The following FRAS1 variants were observed in gnomAD, a reference collection of about 807,000 sequenced individuals.
FRAS1 encodes Fraser extracellular matrix complex subunit 1, also known as extracellular matrix organizing protein FRAS1.
A neutral mutation model predicts 435.2 loss-of-function variants in FRAS1; 290 were observed. The ratio of observed to expected loss-of-function variants is 0.67; its 90% confidence interval spans 0.61 to 0.73. The LOEUF is 0.73. Ranked by LOEUF, FRAS1 falls within the 30% of genes least tolerant of loss-of-function variation. The pLI is 0.00. For synonymous variants in FRAS1, 1,800 were observed against 1,851.0 expected (o/e 0.97, Z 0.71); for missense variants, 4,860 against 5,001.5 (o/e 0.97, Z 0.85).
intron 32 of FRAS1, 34 bp from the exon 33 acceptor site, chr4:78,418,915 C>A: frequency 7.7e-7 from 1 of 1,297,606 alleles, no homozygotes; most frequent in Non-Finnish European, 1.1e-6. Context: ...TTTTTCATAC[C>A]ATGTGTTCCT....
rs1560596181 is a variant in FRAS1 at position 78,237,599 on chromosome 4, T to C, written c.198T>C (p.Pro66=). Residue 66 remains proline (P), a synonymous_variant, in exon 3 of 74, where the codon CCT becomes CCC. Coordinates refer to ENST00000512123, the MANE Select transcript of FRAS1 (RefSeq NM_025074.7). ...GCAAACCTGCTGTTTGCAGAAACCC[T>C]CAATGTGCCTTTGAGAAGGTACGGT... ...VICKPAVCRN[P]QCAFEKGEVL... The C allele has an allele frequency of 1.9e-6, 3 of 1,605,624 alleles. No homozygotes were observed. The highest frequency in any genetic ancestry group is 1.7e-6 in the Non-Finnish European group (2 of 1,173,748).
intron 2 of FRAS1, among the ~76,000 whole-genome samples, chr4:78,197,955 A>T (rs569159635): frequency 1.4e-5 from 2 of 147,022 alleles, no homozygotes; most frequent in East Asian, 2.0e-4. Flanking sequence ...AAAAAAAAAG[A>T]GTGGACTGAA....
chr4:78,478,590 G>A (rs911723033), intron 55 of FRAS1, among the ~76,000 whole-genome samples: 4 of 152,116 alleles, frequency 2.6e-5, no homozygotes, highest in Non-Finnish European at 5.9e-5. Context: ...TGATAAAAGG[G>A]CAATTCTTGA....
At position 78,438,958 on chromosome 4, in the gene FRAS1, C is replaced by A. The variant is rs997104105; in HGVS notation, c.5423C>A (p.Ser1808Tyr). The A allele has an allele frequency of 6.2e-7, 1 of 1,612,996 alleles. No homozygotes were observed. The highest frequency in any genetic ancestry group is 1.3e-5 in the African/African-American group (1 of 75,016). The change falls in exon 40 of 74, where the codon TCT (serine) becomes TAT (tyrosine). Residue 1808 changes from serine (S) to tyrosine (Y), a missense_variant. Coordinates refer to ENST00000512123, the MANE Select transcript of FRAS1 (RefSeq NM_025074.7). ...CTGGTTACTGATAGCTTCTATTTCT[C>A]TGTCTCTGACATGGACCACAACCAT... ...GHLVTDSFYF[S>Y]VSDMDHNHLD... is the part of the protein sequence containing the mutation.
At chr4:78,451,040 C>T (rs1010888925) in intron 45 of FRAS1, among the ~76,000 whole-genome samples, 2 of 148,534 alleles carry the variant, frequency 1.3e-5, no homozygotes, top group African/African-American at 2.6e-5. Context: ...GCTGAATTCT[C>T]ATTGGAACTG....
chr4:78,148,049 A>G (rs1720488484), intron 2 of FRAS1, among the ~76,000 whole-genome samples: 2 of 152,334 alleles, frequency 1.3e-5, no homozygotes, highest in South Asian at 4.1e-4. Flanking sequence ...TGTGAAGAAA[A>G]TGTCACTTGT....
intron 14 of FRAS1, among the ~76,000 whole-genome samples, chr4:78,302,692 T>C (rs977343674): frequency 5.3e-5 from 8 of 151,324 alleles, no homozygotes; most frequent in Non-Finnish European, 7.4e-5. Context: ...ACCCACTTTT[T>C]GATGGGGTTG....
intron 2 of FRAS1, among the ~76,000 whole-genome samples, chr4:78,166,937 C>G (rs969122557): frequency 1.3e-5 from 2 of 152,164 alleles, no homozygotes; most frequent in Non-Finnish European, 2.9e-5. Context: ...TTTGCAAGAG[C>G]TGTTGTCAAC....
chr4:78,447,042 C>T (rs1718859288), intron 43 of FRAS1, among the ~76,000 whole-genome samples, 162 bp downstream of exon 43: 1 of 150,722 alleles, frequency 6.6e-6, no homozygotes, highest in Admixed American at 6.6e-5. Flanking sequence ...TTTTTGGAGT[C>T]CTGGTAGACA....
chr4:78,136,332 G>T (rs72860656), intron 2 of FRAS1, among the ~76,000 whole-genome samples: 3,163 of 152,196 alleles, frequency 0.021, 109 homozygotes, highest in African/African-American at 0.072. Flanking sequence ...TGTGCATTTG[G>T]GTGACTCAAC....
intron 2 of FRAS1, among the ~76,000 whole-genome samples, chr4:78,117,156 G>A (rs1310531044): frequency 6.6e-6 from 1 of 152,138 alleles, no homozygotes. Context: ...GTTGAATATT[G>A]GCCCCCACTC....
At chr4:78,322,544 G>C (rs987349484) in intron 18 of FRAS1, among the ~76,000 whole-genome samples, 1 of 146,898 alleles carries the variant, frequency 6.8e-6, no homozygotes, top group African/African-American at 2.7e-5. Flanking sequence ...TATTACTGCA[G>C]CTAATAAAAG....
chr4:78,509,057 G>A, intron 63 of FRAS1, 51 bp downstream of exon 63: 13 of 1,582,788 alleles, frequency 8.2e-6, no homozygotes, highest in Non-Finnish European at 1.1e-5. Flanking sequence ...GAGAACTGGT[G>A]TTGTTCTTTG....
intron 72 of FRAS1, among the ~76,000 whole-genome samples, chr4:78,538,452 G>T (rs1721951101): frequency 6.6e-6 from 1 of 152,170 alleles, no homozygotes; most frequent in African/African-American, 2.4e-5. Context: ...AGGACAGTGG[G>T]TTCCCAGAGT....
chr4:78,069,978 A>G (rs1460928001), intron 2 of FRAS1, among the ~76,000 whole-genome samples: 1 of 152,018 alleles, frequency 6.6e-6, no homozygotes, highest in Non-Finnish European at 1.5e-5. Context: ...GAACACAACT[A>G]GCTTACTTCA....
rs191240810 is a variant in FRAS1, at chr4:78,334,715, G to A, written c.2278+1303G>A. 1.3e-4 allele frequency among the ~76,000 whole-genome samples: 19 copies of A among 151,768 alleles called. No homozygotes were observed. The South Asian group carries it at 2.7e-3, about 22-fold the overall frequency. On this transcript the variant is annotated intron_variant, in intron 19 of 73. Transcript: ENST00000512123. ...GATAAAATGTTATATGTACAGATACGTGTGTGTATATTTATCGTTTTCATG... is the reference window on the plus strand; with the variant it reads ...GATAAAATGTTATATGTACAGATACATGTGTGTATATTTATCGTTTTCATG...
At chr4:78,482,569 A>G (rs936422635) in intron 58 of FRAS1, 34 bp downstream of exon 58, 20 of 1,588,406 alleles carry the variant, frequency 1.3e-5, no homozygotes, top group Non-Finnish European at 1.7e-5. Context: ...GGTAGGTCCA[A>G]ATATATTTCT....
At chr4:78,377,842 C>CTG (rs1731838687) in intron 26 of FRAS1, among the ~76,000 whole-genome samples, 1 of 151,294 alleles carries the variant, frequency 6.6e-6, no homozygotes, top group African/African-American at 2.5e-5. Flanking sequence ...CAAGAACATC[C>CTG]AAGTCAGAAG....
At chr4:78,143,822 T>G (rs957701364) in intron 2 of FRAS1, among the ~76,000 whole-genome samples, 7 of 150,068 alleles carry the variant, frequency 4.7e-5, no homozygotes, top group African/African-American at 1.7e-4. Flanking sequence ...GAGGATTGCT[T>G]GAGCCCAGGG....
Sources: gnomAD v4.1 joint callset for allele counts (sites outside exome capture counted in the v4.1 genomes callset) on GRCh38, gnomAD v4.1.1 for gene constraint, MANE v1.5 for transcripts, NCBI Gene and HGNC (gene_info 2026-07-23, HGNC 2026-07-21) for gene names.